AK2: variants seen among roughly 807,000 people sequenced by gnomAD.
AK2 encodes the protein adenylate kinase 2.
In AK2, 15 loss-of-function variants were observed where a neutral mutation model predicts 24.6. The ratio of observed to expected loss-of-function variants is 0.61; its 90% CI spans 0.41 to 0.94. AK2 has a LOEUF of 0.94. Ranked by LOEUF, AK2 falls within the 40% of genes least tolerant of loss-of-function variation. The pLI, the probability that AK2 is intolerant of heterozygous loss-of-function variation, is 0.00. For synonymous variants in AK2, 102 were observed against 114.0 expected, an observed-to-expected ratio of 0.90 and a Z score of 0.67; for missense variants, 257 against 304.1, an observed-to-expected ratio of 0.85 and a Z score of 1.15.
At chr1:33,015,593 G>A (rs1569594338) in intron 4 of AK2, among the ~76,000 whole-genome samples, 1 of 152,324 alleles carries the variant, frequency 6.6e-6, no homozygotes, top group African/African-American at 2.4e-5. Flanking sequence ...CCATTTGGCA[G>A]GCATAGCAAT....
chr1:33,010,990 T>C lies in AK2; in HGVS notation c.*2191A>G. ...AGAACCTGCTGAGGCTGAGGAACTC[T>C]GGAATTAAATGAAGCAAAAACAGAA... On this transcript the variant is annotated 3_prime_UTR_variant, in exon 6 of 6. Transcript: ENST00000672715. 1 of 985,440 alleles carries C rather than the reference T, an allele frequency of 1.0e-6. No homozygotes were observed. Among genetic ancestry groups the C allele is most frequent in the African/African-American group, 1.7e-5 (1 of 57,362 alleles). 61.0% of individuals were successfully genotyped at this position (985,440 alleles called of 1,614,324 possible). A position where few individuals can be genotyped will look rare whatever the true frequency, so the allele number is the denominator to read the frequency against.
intron 1 of AK2, among the ~76,000 whole-genome samples, chr1:33,030,567 A>G (rs1640175937): frequency 6.6e-6 from 1 of 151,688 alleles, no homozygotes; most frequent in Non-Finnish European, 1.5e-5. Flanking sequence ...AAACAAAAAC[A>G]CCTCCCCAAC....
chr1:33,036,615 G>T, intron 1 of AK2, 121 bp downstream of exon 1: 1 of 914,428 alleles, frequency 1.1e-6, no homozygotes, highest in Non-Finnish European at 1.7e-6. Flanking sequence ...ACCCCGGCCA[G>T]CGTTCCCCGC....
chr1:33,024,623 G>C, intron 1 of AK2, 56 bp from the exon 2 acceptor site: 2 of 1,610,990 alleles, frequency 1.2e-6, no homozygotes, highest in Non-Finnish European at 1.7e-6. Context: ...TGTGGAGTCA[G>C]ACTGCCTAGG....
chr1:33,014,202 G>A (rs56181912), intron 5 of AK2, among the ~76,000 whole-genome samples: 4,257 of 152,264 alleles, frequency 0.028, 95 homozygotes, highest in Middle Eastern at 0.092. Flanking sequence ...TTTTAAGAAA[G>A]CTTCTCCTGA....
In AK2 at chr1:33,012,318, A is replaced by G; in HGVS notation, c.*863T>C. 2 of 1,532,218 alleles carry G rather than the reference A, an allele frequency of 1.3e-6. No individual in the cohort carries two copies. Among genetic ancestry groups the G allele is most frequent in the Middle Eastern group, 2.0e-4 (1 of 4,934 alleles). 94.9% of individuals were successfully genotyped at this position (1,532,218 alleles called of 1,614,324 possible). The stretch of plus-strand genomic sequence containing the variant: ...CTCCCAGTAATTTCTGTAACCTGCA[A>G]AGTAAGTGCCTTTTTCCTTCCACCT... On this transcript the variant is annotated 3_prime_UTR_variant, in exon 6 of 6. Coordinates refer to ENST00000672715, the MANE Select transcript of AK2 (RefSeq NM_001625.4).
At position 33,008,636 on chromosome 1, in the gene AK2, T is replaced by C. The variant is rs1638621334; in HGVS notation, c.*4545A>G. On this transcript the variant is annotated 3_prime_UTR_variant, in exon 6 of 6. Coordinates refer to ENST00000672715, the MANE Select transcript of AK2 (RefSeq NM_001625.4). ...CTGTGTTTCAGTCCTGACTGCCTCT[T>C]ATGCATGACCTCAGGAATGCCACTT... 2.2e-6 allele frequency: 1 copy of C among 454,002 alleles called. No individual in the cohort carries two copies. Among genetic ancestry groups the C allele is most frequent in the East Asian group, 6.9e-5 (1 of 14,402 alleles). 28.1% of individuals were successfully genotyped at this position (454,002 alleles called of 1,614,324 possible).
Position 33,010,464 on chromosome 1 carries a change from G to C in AK2, c.*2717C>G, listed in dbSNP as rs143947377. ...TGTACTCTTGGTCTGGAACCCATGG[G>C]GTTCTGAGATAAAAGCTGAGGTCTT... On this transcript the variant is annotated 3_prime_UTR_variant, in exon 6 of 6. Transcript: ENST00000672715. 1.9e-6 allele frequency: 1 copy of C among 527,078 alleles called. No individual in the cohort carries two copies. Among genetic ancestry groups the C allele is most frequent in the Non-Finnish European group, 3.6e-6 (1 of 280,214 alleles). 32.7% of individuals were successfully genotyped at this position (527,078 alleles called of 1,614,324 possible). A position where few individuals can be genotyped will look rare whatever the true frequency, so the allele number is the denominator to read the frequency against.
intron 1 of AK2, 37 bp from the exon 2 acceptor site, chr1:33,024,604 A>G (rs1557625803): frequency 1.9e-6 from 3 of 1,613,726 alleles, no homozygotes; most frequent in East Asian, 2.2e-5. Context: ...ATTCAATTAC[A>G]TTACAGGCTG....
At chr1:33,034,481 CACACACAT>C (rs1557637350) in intron 1 of AK2, among the ~76,000 whole-genome samples, 1 of 148,406 alleles carries the variant, frequency 6.7e-6, no homozygotes, top group African/African-American at 2.6e-5. Flanking sequence ...CACACACACA[CACACACAT>C]ATATCATAAT....
intron 4 of AK2, 57 bp from the exon 5 acceptor site, chr1:33,014,651 C>A: frequency 7.0e-7 from 1 of 1,430,758 alleles, no homozygotes; most frequent in South Asian, 1.1e-5. Flanking sequence ...GCCTGCACTC[C>A]ACTCTAGGGG....
Position 33,025,188 on chromosome 1 carries a change from CA to C in AK2, c.94-622del, listed in dbSNP as rs386366656. ...CCTGGGTGACAGTGAGACTTCGTCT[CA>C]AAAAAAAAAAAAAAAAAAAAAGAGA... is the stretch of plus-strand genomic sequence containing the variant. On this transcript the variant is annotated intron_variant, in intron 1 of 5. Transcript: ENST00000672715. Among the ~76,000 whole-genome samples, 361 of 68,406 alleles carry C rather than the reference CA, an allele frequency of 5.3e-3. 2 individuals are homozygous for C. The highest frequency in any genetic ancestry group is 0.027 in the South Asian group (53 of 1,942). The allele number at this position is 68,406 out of a possible 152,430, so 44.9% of individuals were successfully genotyped here. A position where few individuals can be genotyped will look rare whatever the true frequency, so the allele number is the denominator to read the frequency against.
At chr1:33,021,225 A>G (rs1310877518) in intron 4 of AK2, 142 bp downstream of exon 4, 6 of 776,266 alleles carry the variant, frequency 7.7e-6, no homozygotes, top group East Asian at 5.0e-5. Context: ...ATCCCATCTC[A>G]CCACTTCAGC....
Position 33,029,750 on chromosome 1 carries a change from C to T in AK2, c.94-5183G>A, listed in dbSNP as rs1439618115. On this transcript the variant is annotated intron_variant, in intron 1 of 5. Transcript: ENST00000672715. ...TAGTGCAGACACCTGATCAGCATAGCACACTATAGCCCCAAACTCCTGTGC... is the reference window on the plus strand; with the variant it reads ...TAGTGCAGACACCTGATCAGCATAGTACACTATAGCCCCAAACTCCTGTGC... Among the ~76,000 whole-genome samples, 3 of 152,154 alleles carry T rather than the reference C, an allele frequency of 2.0e-5. No individual in the cohort carries two copies. The East Asian group carries it at 5.8e-4, about 29-fold the overall frequency.
chr1:33,017,310 G>A (rs1173932804), intron 4 of AK2, among the ~76,000 whole-genome samples: 1 of 152,200 alleles, frequency 6.6e-6, no homozygotes, highest in African/African-American at 2.4e-5. Flanking sequence ...CTGCAGTCAT[G>A]TACTGTGAGG....
chr1:33,021,788 G>C lies in AK2; in HGVS notation c.220-85C>G, dbSNP rs1428975837. 28 of 1,051,404 alleles carry C rather than the reference G, an allele frequency of 2.7e-5. No homozygotes were observed. In the Admixed American group the frequency reaches 4.7e-4, roughly 18 times the overall value. The allele number at this position is 1,051,404 out of a possible 1,614,324, so 65.1% of individuals were successfully genotyped here. On this transcript the variant is annotated intron_variant, in intron 2 of 5. Coordinates refer to ENST00000672715, the MANE Select transcript of AK2 (RefSeq NM_001625.4). Reference sequence around the variant, plus strand: ...AGCCCAACTCCACAGCCAAAAGTTTGTGTATATAACCTTATTACTAAACAG... The same window carrying C: ...AGCCCAACTCCACAGCCAAAAGTTTCTGTATATAACCTTATTACTAAACAG...
At chr1:33,028,799 T>C (rs933663182) in intron 1 of AK2, among the ~76,000 whole-genome samples, 7 of 152,122 alleles carry the variant, frequency 4.6e-5, no homozygotes, top group African/African-American at 1.7e-4. Context: ...GGTTCTCAAA[T>C]TTCAGTGTAT....
intron 4 of AK2, among the ~76,000 whole-genome samples, chr1:33,019,294 C>G (rs942817727): frequency 9.9e-5 from 15 of 152,150 alleles, no homozygotes; most frequent in African/African-American, 3.4e-4. Flanking sequence ...CCTCTGCTCC[C>G]AGGGTCTAGT....
intron 1 of AK2, among the ~76,000 whole-genome samples, chr1:33,033,746 G>C (rs542803447): frequency 5.3e-5 from 8 of 152,270 alleles, no homozygotes; most frequent in African/African-American, 1.9e-4. Flanking sequence ...GTTGGGGCTG[G>C]GTAAGGGCTC....
Sources: gnomAD v4.1 joint callset for allele counts (sites outside exome capture counted in the v4.1 genomes callset) on GRCh38, gnomAD v4.1.1 for gene constraint, MANE v1.5 for transcripts, NCBI Gene and HGNC (gene_info 2026-07-23, HGNC 2026-07-21) for gene names.